Variants in ZNF385B observed in about 807,000 individuals in gnomAD.
ZNF385B encodes zinc finger protein 533.
In ZNF385B, 23 loss-of-function variants were observed where a neutral mutation model predicts 39.2. That is an observed-to-expected ratio of 0.59 (90% CI 0.42 to 0.83). The LOEUF is 0.83. Ranked by LOEUF, ZNF385B falls within the 40% of genes least tolerant of loss-of-function variation. The pLI is 0.00. For missense variants in ZNF385B, 552 were observed against 598.9 expected, an observed-to-expected ratio of 0.92 and a Z score of 0.82; for synonymous variants, 205 against 222.6, an observed-to-expected ratio of 0.92 and a Z score of 0.70.
chr2:179,566,600 T>G (rs1684607811), intron 3 of ZNF385B, among the ~76,000 whole-genome samples: 1 of 152,246 alleles, frequency 6.6e-6, no homozygotes, highest in South Asian at 2.1e-4. Context: ...AAGAATTAAT[T>G]TATAACTGTT....
rs548451112 is a variant in ZNF385B at position 179,445,702 on chromosome 2, C to T, written c.988G>A (p.Ala330Thr). The T allele has an allele frequency of 6.2e-7, 1 of 1,612,252 alleles. No homozygotes were observed. Among genetic ancestry groups the T allele is most frequent in the East Asian group, 2.2e-5 (1 of 44,764 alleles). ...TGSKHKTMVE[A>T]RNGAGPIKSY... ...TTAATTGGACCAGCCCCATTACGAG[C>T]TTCAACCATGGTCTTGTGTTTAGAT... The change falls in exon 8 of 10, where the codon GCT becomes ACT. Residue 330 changes from alanine (A) to threonine (T), a missense_variant. Transcript: ENST00000410066.
intron 3 of ZNF385B, among the ~76,000 whole-genome samples, chr2:179,608,866 G>A (rs1247825490): frequency 6.7e-6 from 1 of 150,128 alleles, no homozygotes; most frequent in Non-Finnish European, 1.5e-5. Flanking sequence ...GTGTGTGTGT[G>A]TGTGTGTGTG....
chr2:179,777,298 T>A (rs1230541210), intron 1 of ZNF385B, among the ~76,000 whole-genome samples: 1 of 152,130 alleles, frequency 6.6e-6, no homozygotes. Context: ...ACATTGAGAC[T>A]CTATCAGTAG....
intron 1 of ZNF385B, among the ~76,000 whole-genome samples, chr2:179,813,906 T>C (rs977334913): frequency 2.0e-5 from 3 of 152,158 alleles, no homozygotes; most frequent in African/African-American, 7.2e-5. Context: ...AGTAAAAGAT[T>C]TATACACAAA....
chr2:179,673,411 T>C (rs559261389), intron 3 of ZNF385B, among the ~76,000 whole-genome samples: 11 of 152,250 alleles, frequency 7.2e-5, no homozygotes, highest in African/African-American at 2.2e-4. Flanking sequence ...AAGTATAGTA[T>C]ACAAAATATG....
At chr2:179,544,020 C>A (rs537268677) in intron 4 of ZNF385B, among the ~76,000 whole-genome samples, 2 of 152,276 alleles carry the variant, frequency 1.3e-5, no homozygotes, top group African/African-American at 4.8e-5. Context: ...CATGCCCCAA[C>A]TAACTGTATT....
intron 3 of ZNF385B, among the ~76,000 whole-genome samples, chr2:179,591,602 T>A (rs945833759): frequency 6.6e-6 from 1 of 152,204 alleles, no homozygotes; most frequent in Non-Finnish European, 1.5e-5. Context: ...CTCAAAACTG[T>A]TCAGTCCAAA....
intron 3 of ZNF385B, among the ~76,000 whole-genome samples, chr2:179,744,048 T>C (rs549994422): frequency 5.3e-5 from 8 of 152,196 alleles, no homozygotes; most frequent in Non-Finnish European, 8.8e-5. Flanking sequence ...TAATGATGAA[T>C]TGCATAATAT....
At chr2:179,855,579 G>A (rs1234399094) in intron 1 of ZNF385B, among the ~76,000 whole-genome samples, 9 of 152,148 alleles carry the variant, frequency 5.9e-5, no homozygotes, top group Non-Finnish European at 1.2e-4. Context: ...TTTTGTATCA[G>A]TATATATACT....
At position 179,550,747 on chromosome 2, in the gene ZNF385B, C is replaced by A. The variant is rs751614174; in HGVS notation, c.299-5778G>T. ...TAGGGACAAAGTGCATTTTTTTGAA[C>A]AAGTTATTTCATGCTCTGATCTCTC... On this transcript the variant is annotated intron_variant, in intron 3 of 9. Coordinates refer to ENST00000410066, the MANE Select transcript of ZNF385B (RefSeq NM_152520.6). 3.1e-4 allele frequency among the ~76,000 whole-genome samples: 46 copies of A among 149,096 alleles called. 3 individuals are homozygous for A. Among genetic ancestry groups the A allele is most frequent in the Admixed American group, 6.0e-4 (9 of 14,994 alleles).
chr2:179,444,486 A>T (rs983108120), intron 9 of ZNF385B, among the ~76,000 whole-genome samples: 15 of 152,168 alleles, frequency 9.9e-5, no homozygotes, highest in Non-Finnish European at 1.9e-4. Context: ...ATAATAATAA[A>T]AAACAGAAAG....
chr2:179,789,937 A>T (rs1208071914), intron 1 of ZNF385B, among the ~76,000 whole-genome samples: 1 of 152,200 alleles, frequency 6.6e-6, no homozygotes, highest in Non-Finnish European at 1.5e-5. Flanking sequence ...GAGCATAATT[A>T]ACTCAGTTCT....
intron 5 of ZNF385B, among the ~76,000 whole-genome samples, chr2:179,518,057 T>C (rs1559387165): frequency 1.3e-5 from 2 of 152,198 alleles, no homozygotes; most frequent in African/African-American, 2.4e-5. Context: ...TTTTAAAATC[T>C]CTTCATTGCA....
intron 1 of ZNF385B, among the ~76,000 whole-genome samples, chr2:179,776,780 C>T (rs2106516332): frequency 6.6e-6 from 1 of 152,176 alleles, no homozygotes; most frequent in African/African-American, 2.4e-5. Flanking sequence ...AAAAAATGTT[C>T]AGGGCGGGAA....
At chr2:179,554,336 G>C (rs754438107) in intron 3 of ZNF385B, among the ~76,000 whole-genome samples, 1 of 149,312 alleles carries the variant, frequency 6.7e-6, no homozygotes, top group Non-Finnish European at 1.5e-5. Flanking sequence ...TAAATGTTTC[G>C]ACAGATGAGA....
At chr2:179,607,029 G>A (rs1394026027) in intron 3 of ZNF385B, among the ~76,000 whole-genome samples, 1 of 151,968 alleles carries the variant, frequency 6.6e-6, no homozygotes, top group Non-Finnish European at 1.5e-5. Flanking sequence ...TGGATTTATC[G>A]ATCCAGATTA....
chr2:179,504,928 C>CT (rs2057117206), intron 5 of ZNF385B, among the ~76,000 whole-genome samples: 2 of 152,062 alleles, frequency 1.3e-5, no homozygotes, highest in Admixed American at 1.3e-4. Context: ...CAATCACCTC[C>CT]TACCAGGTCC....
At chr2:179,782,227 G>T (rs1704709180) in intron 1 of ZNF385B, among the ~76,000 whole-genome samples, 1 of 151,864 alleles carries the variant, frequency 6.6e-6, no homozygotes, top group African/African-American at 2.4e-5. Context: ...GAACTAAAAA[G>T]AAAAAACACA....
intron 1 of ZNF385B, among the ~76,000 whole-genome samples, chr2:179,855,457 A>C (rs1350738123): frequency 2.0e-5 from 3 of 152,222 alleles, no homozygotes; most frequent in African/African-American, 2.4e-5. Flanking sequence ...AGTAGGTATG[A>C]AAGCCTGGTC....
Sources: allele counts gnomAD v4.1 joint callset (sites outside exome capture counted in the v4.1 genomes callset), GRCh38; gene constraint gnomAD v4.1.1; transcripts MANE v1.5; gene names NCBI Gene and HGNC (gene_info 2026-07-23, HGNC 2026-07-21).